The following ITPR1 variants were observed in gnomAD, a reference collection of about 807,000 sequenced individuals.
ITPR1 encodes the protein inositol 1,4,5-trisphosphate-gated calcium channel ITPR1.
Under a neutral mutation model 318.4 loss-of-function variants are expected in ITPR1, and 96 were observed. The observed-to-expected ratio is 0.30, with a 90% CI of 0.26 to 0.36. The LOEUF is 0.36. Ranked by LOEUF, ITPR1 falls within the 10% of genes least tolerant of loss-of-function variation. The pLI is 1.00. For missense variants in ITPR1, 2,440 were observed against 3,460.2 expected (o/e 0.71, Z 7.40); for synonymous variants, 1,312 against 1,289.9 (o/e 1.02, Z -0.37).
At position 4,788,005 on chromosome 3, in the gene ITPR1, A is replaced by G. The variant is rs1441798726; in HGVS notation, c.6674A>G (p.Glu2225Gly). ...GTCTTTCCCGTGCCCAGCATATGTG[A>G]ATTCCTAACCAAGGAGTCAAAACTA... ...QIVFPVPSIC[E>G]FLTKESKLRI... The change falls in exon 52 of 62, where the codon GAA (glutamate) becomes GGA (glycine). Residue 2225 changes from glutamate (E) to glycine (G), a missense_variant. Physicochemically the swap from Glu to Gly is moderately conservative, Grantham distance 98 (BLOSUM62 -2). Around this residue, in one of 23 missense-constraint regions of ITPR1, gnomAD observed 115 missense variants for 204.5 expected, o/e 0.56. Coordinates refer to ENST00000649015, the MANE Select transcript of ITPR1 (RefSeq NM_001378452.1). The G allele has an allele frequency of 6.2e-7, 1 of 1,613,100 alleles. No individual in the cohort carries two copies. Among genetic ancestry groups the G allele is most frequent in the South Asian group, 1.1e-5 (1 of 90,806 alleles).
chr3:4,655,802 G>C (rs1430881215), intron 12 of ITPR1, among the ~76,000 whole-genome samples: 1 of 152,110 alleles, frequency 6.6e-6, no homozygotes, highest in Non-Finnish European at 1.5e-5. Flanking sequence ...ATGTTGATTG[G>C]GGGTGGGCTG....
intron 4 of ITPR1, among the ~76,000 whole-genome samples, chr3:4,573,706 C>T (rs2088285620): frequency 6.6e-6 from 1 of 152,230 alleles, no homozygotes; most frequent in East Asian, 1.9e-4. Context: ...GTTTCCTCCA[C>T]CTGGGTGTCT....
At position 4,846,553 on chromosome 3, in the gene ITPR1, T is replaced by C. The variant is rs2051793276; in HGVS notation, c.*328T>C. On this transcript the variant is annotated 3_prime_UTR_variant, in exon 62 of 62. Transcript: ENST00000649015. Reference sequence around the variant, plus strand: ...ATGTATTTTGTATTTAAAACTAGAATAGCCAGTATTTATGTTTTTTATAAA... The same window carrying C: ...ATGTATTTTGTATTTAAAACTAGAACAGCCAGTATTTATGTTTTTTATAAA... 1 of 185,084 alleles carries C rather than the reference T, an allele frequency of 5.4e-6. No homozygotes were observed. The highest frequency in any genetic ancestry group is 2.3e-5 in the African/African-American group (1 of 42,688). 11.5% of individuals were successfully genotyped at this position (185,084 alleles called of 1,614,324 possible).
intron 4 of ITPR1, among the ~76,000 whole-genome samples, chr3:4,607,478 G>A (rs1324041888): frequency 6.6e-6 from 1 of 152,134 alleles, no homozygotes; most frequent in African/African-American, 2.4e-5. Context: ...GGTTCTTCTT[G>A]CCCACTGCCC....
At chr3:4,510,202 G>C (rs752841150) in intron 2 of ITPR1, among the ~76,000 whole-genome samples, 56 of 152,148 alleles carry the variant, frequency 3.7e-4, no homozygotes, top group Admixed American at 2.0e-3. Context: ...AAAGGCCCAG[G>C]GAACAGAGCA....
chr3:4,592,834 G>C (rs915999169), intron 4 of ITPR1, among the ~76,000 whole-genome samples: 1 of 152,196 alleles, frequency 6.6e-6, no homozygotes, highest in African/African-American at 2.4e-5. Flanking sequence ...CTGGGTCACA[G>C]GCCCACCTTT....
intron 4 of ITPR1, among the ~76,000 whole-genome samples, chr3:4,605,944 C>A (rs946116425): frequency 3.9e-5 from 6 of 151,946 alleles, no homozygotes; most frequent in South Asian, 2.1e-4. Flanking sequence ...GAGAAGGGAT[C>A]GTGGGGAGGA....
intron 18 of ITPR1, 118 bp downstream of exon 18, chr3:4,667,667 G>T (rs2093981114): frequency 2.1e-6 from 2 of 938,770 alleles, no homozygotes; most frequent in African/African-American, 1.7e-5. Flanking sequence ...GATTAGTTAG[G>T]TCTGGAGAGG....
intron 4 of ITPR1, among the ~76,000 whole-genome samples, chr3:4,603,415 T>A (rs906599170): frequency 2.0e-5 from 3 of 151,928 alleles, no homozygotes; most frequent in Admixed American, 6.6e-5. Context: ...TTCTTTTCTT[T>A]TCTTTTTTAT....
At chr3:4,589,722 C>G (rs1484388738) in intron 4 of ITPR1, among the ~76,000 whole-genome samples, 1 of 151,890 alleles carries the variant, frequency 6.6e-6, no homozygotes, top group African/African-American at 2.4e-5. Flanking sequence ...AAGCCAGGTT[C>G]TCAACCCTGG....
chr3:4,760,020 G>C (rs1051925779), intron 44 of ITPR1, among the ~76,000 whole-genome samples: 1 of 152,216 alleles, frequency 6.6e-6, no homozygotes, highest in African/African-American at 2.4e-5. Flanking sequence ...GGATCTGCCC[G>C]CAGACCAGCT....
At chr3:4,531,856 G>T (rs767252025) in intron 4 of ITPR1, among the ~76,000 whole-genome samples, 3 of 152,108 alleles carry the variant, frequency 2.0e-5, no homozygotes, top group Non-Finnish European at 4.4e-5. Context: ...TGCTCCTTTT[G>T]CACAGACTCT....
chr3:4,775,522 C>G, intron 47 of ITPR1, 80 bp downstream of exon 47: 1 of 1,103,464 alleles, frequency 9.1e-7, no homozygotes, highest in East Asian at 2.4e-5. Flanking sequence ...TCAGAAATCA[C>G]GAAGCCTGTG....
chr3:4,647,117 T>A lies in ITPR1; in HGVS notation c.855+1389T>A, dbSNP rs1026778928. Among the ~76,000 whole-genome samples, 7 of 152,214 alleles carry A rather than the reference T, an allele frequency of 4.6e-5. 1 individual carries two copies. Among genetic ancestry groups the A allele is most frequent in the African/African-American group, 1.7e-4 (7 of 41,462 alleles). Reference sequence around the variant, plus strand: ...TCCTGGAGACTTCTATTGCCTGTTCTTGAACTTTGTATAAATGGAGTCATA... The same window carrying A: ...TCCTGGAGACTTCTATTGCCTGTTCATGAACTTTGTATAAATGGAGTCATA... On this transcript the variant is annotated intron_variant, in intron 10 of 61. Coordinates refer to ENST00000649015, the MANE Select transcript of ITPR1 (RefSeq NM_001378452.1).
chr3:4,753,874 G>C (rs1321207854), intron 44 of ITPR1, among the ~76,000 whole-genome samples: 1 of 152,122 alleles, frequency 6.6e-6, no homozygotes, highest in Non-Finnish European at 1.5e-5. Context: ...ATCTCAAGTG[G>C]TTCTCCTCCT....
chr3:4,836,580 GT>G (rs1423587076), intron 60 of ITPR1, among the ~76,000 whole-genome samples, 193 bp from the exon 61 acceptor site: 2 of 152,034 alleles, frequency 1.3e-5, no homozygotes, highest in East Asian at 3.9e-4. Flanking sequence ...AGAATTCAGA[GT>G]TCCATTGTAT....
chr3:4,685,216 G>T lies in ITPR1; in HGVS notation c.3702+10G>T. 6.3e-7 allele frequency: 1 copy of T among 1,594,804 alleles called. No homozygotes were observed. On this transcript the variant is annotated intron_variant, in intron 30 of 61. Coordinates refer to ENST00000649015, the MANE Select transcript of ITPR1 (RefSeq NM_001378452.1). The stretch of plus-strand genomic sequence containing the variant: ...GATTCCCTATGAGAAGGTGAGCGGT[G>T]CCTCATGCACAGCAGCTGCTCTCAG...
At chr3:4,831,123 T>A (rs866148331) in intron 60 of ITPR1, 6,907 of 247,614 alleles carry the variant, frequency 0.028, 98 homozygotes, top group Non-Finnish European at 0.036. Flanking sequence ...TCTCTCTCTC[T>A]CTCTCTCTCA....
At chr3:4,547,753 C>G (rs1044439294) in intron 4 of ITPR1, among the ~76,000 whole-genome samples, 1 of 152,176 alleles carries the variant, frequency 6.6e-6, no homozygotes, top group Admixed American at 6.6e-5. Flanking sequence ...AGTATTTACC[C>G]AGTCCGAGGA....
Sources: allele counts gnomAD v4.1 joint callset (sites outside exome capture counted in the v4.1 genomes callset), GRCh38; gene constraint gnomAD v4.1.1; regional missense constraint gnomAD v4.1.1; transcripts MANE v1.5; gene names NCBI Gene and HGNC (gene_info 2026-07-23, HGNC 2026-07-21).